Variants in DSCAM observed in about 807,000 individuals in gnomAD.
DSCAM encodes the protein DS cell adhesion molecule.
In DSCAM, 47 loss-of-function variants were observed where a neutral mutation model predicts 217.7. That is an observed-to-expected ratio of 0.22 (90% CI 0.17 to 0.28). The LOEUF is 0.28. DSCAM is among the 10% of genes least tolerant of loss of function. The pLI, the probability that DSCAM is intolerant of heterozygous loss-of-function variation, is 1.00. For missense variants in DSCAM, 2,080 were observed against 2,618.3 expected (o/e 0.79, Z 4.49); for synonymous variants, 1,056 against 1,015.3 (o/e 1.04, Z -0.76).
At chr21:40,273,159 C>G (rs1768554955) in intron 11 of DSCAM, among the ~76,000 whole-genome samples, 1 of 152,130 alleles carries the variant, frequency 6.6e-6, no homozygotes, top group Admixed American at 6.5e-5. Flanking sequence ...ACCAAAGAAT[C>G]ATTTACTCTA....
At chr21:40,017,664 C>G (rs533280160) in intron 32 of DSCAM, among the ~76,000 whole-genome samples, 40 of 152,146 alleles carry the variant, frequency 2.6e-4, no homozygotes, top group Admixed American at 1.5e-3. Flanking sequence ...CGATTCTCCC[C>G]CCTCAGCCTC....
intron 3 of DSCAM, among the ~76,000 whole-genome samples, chr21:40,479,898 ACATGCGTATGCATGT>A (rs2075967651): frequency 6.6e-6 from 1 of 152,250 alleles, no homozygotes; most frequent in Non-Finnish European, 1.5e-5. Context: ...ATGTGTGTGT[ACATGCGTATGCATGT>A]ACGCACACAC....
At chr21:40,493,123 G>A (rs1230184451) in intron 3 of DSCAM, among the ~76,000 whole-genome samples, 1 of 152,176 alleles carries the variant, frequency 6.6e-6, no homozygotes, top group Non-Finnish European at 1.5e-5. Flanking sequence ...CAACAAACCT[G>A]TCCTTCAGAA....
chr21:40,305,402 A>AAAAAAAGG (rs2074062340), intron 9 of DSCAM, among the ~76,000 whole-genome samples: 1 of 151,614 alleles, frequency 6.6e-6, no homozygotes, highest in Non-Finnish European at 1.5e-5. Flanking sequence ...AAAAAAAAAA[A>AAAAAAAGG]AAAAAAGGAA....
intron 16 of DSCAM, among the ~76,000 whole-genome samples, chr21:40,162,567 T>TA (rs2090551003): frequency 6.6e-6 from 1 of 152,222 alleles, no homozygotes; most frequent in African/African-American, 2.4e-5. Context: ...CTCTGAAACT[T>TA]AATAGGTTGT....
intron 3 of DSCAM, among the ~76,000 whole-genome samples, chr21:40,436,389 GA>G: frequency 6.6e-6 from 1 of 152,302 alleles, no homozygotes; most frequent in South Asian, 2.1e-4. Context: ...TCCTCTGGGG[GA>G]AGAACCTAGA....
At chr21:40,217,006 A>G (rs944559384) in intron 11 of DSCAM, among the ~76,000 whole-genome samples, 9 of 152,220 alleles carry the variant, frequency 5.9e-5, no homozygotes, top group Non-Finnish European at 1.0e-4. Context: ...CAGGCCAGAA[A>G]AGGGACCAGT....
chr21:40,361,147 T>A (rs181538522), intron 4 of DSCAM, among the ~76,000 whole-genome samples: 48 of 149,716 alleles, frequency 3.2e-4, no homozygotes, highest in Admixed American at 2.7e-3. Context: ...ATATATATAT[T>A]ACAAAAATTA....
At chr21:40,721,943 T>C (rs2090905214) in intron 1 of DSCAM, among the ~76,000 whole-genome samples, 1 of 151,926 alleles carries the variant, frequency 6.6e-6, no homozygotes, top group Non-Finnish European at 1.5e-5. Flanking sequence ...ATGTTATATT[T>C]AGAGAAACAA....
intron 11 of DSCAM, among the ~76,000 whole-genome samples, chr21:40,257,529 C>T (rs2073390854): frequency 6.6e-6 from 1 of 151,434 alleles, no homozygotes; most frequent in Non-Finnish European, 1.5e-5. Flanking sequence ...CACTGCCTCT[C>T]CACATGGCTA....
chr21:40,483,616 A>G (rs191879888), intron 3 of DSCAM, among the ~76,000 whole-genome samples: 16 of 152,332 alleles, frequency 1.1e-4, no homozygotes, highest in East Asian at 3.9e-4. Context: ...ATAATTAAAC[A>G]TAAGTTAAAA....
rs150178609 is a variant in DSCAM at position 40,216,267 on chromosome 21, C to T, written c.2357-27029G>A. ...TACAGTCATGTGTCAGCATGCCTGC[C>T]TAATTTAAAAAAAAAATTTTTTTTT... On this transcript the variant is annotated intron_variant, in intron 11 of 32. Transcript: ENST00000400454. Among the ~76,000 whole-genome samples the T allele has an allele frequency of 4.2e-3, 644 of 151,532 alleles. 4 individuals are homozygous for T. The highest frequency in any genetic ancestry group is 0.015 in the African/African-American group (634 of 41,076).
At chr21:40,789,553 A>AT (rs3071032) in intron 1 of DSCAM, among the ~76,000 whole-genome samples, 11,303 of 128,618 alleles carry the variant, frequency 0.088, 549 homozygotes, top group African/African-American at 0.096. Flanking sequence ...GAGTAGATTG[A>AT]TTTTTTTTTT....
At position 40,135,149 on chromosome 21, in the gene DSCAM, G is replaced by A. The variant is rs1233491868; in HGVS notation, c.3407-1140C>T. ...AGGGCCTGAGAACTGTTCCCCTAGG[G>A]GAAGGGGCTGTCAGCGACACATTGG... On this transcript the variant is annotated intron_variant, in intron 18 of 32. Transcript: ENST00000400454. Among the ~76,000 whole-genome samples, 5 of 152,220 alleles carry A rather than the reference G, an allele frequency of 3.3e-5. No individual in the cohort carries two copies. The East Asian group carries it at 9.6e-4, about 29-fold the overall frequency.
chr21:40,576,654 C>G (rs941193126), intron 3 of DSCAM, among the ~76,000 whole-genome samples: 1 of 151,964 alleles, frequency 6.6e-6, no homozygotes, highest in African/African-American at 2.4e-5. Context: ...GGAGAAGACA[C>G]CTGCAACATC....
intron 21 of DSCAM, among the ~76,000 whole-genome samples, chr21:40,093,126 A>T (rs2089631806): frequency 6.6e-6 from 1 of 152,192 alleles, no homozygotes; most frequent in South Asian, 2.1e-4. Context: ...TCCTGGAAAC[A>T]CTGGATGGCC....
chr21:40,510,161 C>T (rs148299835), intron 3 of DSCAM, among the ~76,000 whole-genome samples: 366 of 152,072 alleles, frequency 2.4e-3, no homozygotes, highest in African/African-American at 8.3e-3. Flanking sequence ...CCCCAAAGCA[C>T]TCTAAAATAA....
intron 3 of DSCAM, among the ~76,000 whole-genome samples, chr21:40,498,135 T>C (rs1234223857): frequency 2.0e-5 from 3 of 152,168 alleles, no homozygotes; most frequent in Non-Finnish European, 2.9e-5. Flanking sequence ...CTCTGTGTCA[T>C]TGGGCTGCTT....
intron 16 of DSCAM, among the ~76,000 whole-genome samples, chr21:40,165,890 C>T (rs1035858040): frequency 3.3e-5 from 5 of 151,836 alleles, no homozygotes; most frequent in African/African-American, 1.2e-4. Flanking sequence ...CTTTATTCTA[C>T]AATGTGTGTG....
Sources: gnomAD v4.1 joint callset for allele counts (sites outside exome capture counted in the v4.1 genomes callset) on GRCh38, gnomAD v4.1.1 for gene constraint, MANE v1.5 for transcripts, NCBI Gene and HGNC (gene_info 2026-07-23, HGNC 2026-07-21) for gene names.